CALR3: variants seen among roughly 807,000 people sequenced by gnomAD.
CALR3 encodes the protein calreticulin-3.
CALR3 carries 39 observed loss-of-function variants against 48.7 expected under a neutral mutation model. The ratio of observed to expected loss-of-function variants is 0.80; its 90% CI spans 0.62 to 1.05. CALR3 has a LOEUF of 1.05. CALR3 is among the 50% of genes least tolerant of loss of function. The pLI, the probability that CALR3 is intolerant of heterozygous loss-of-function variation, is 0.00. For synonymous variants in CALR3, 185 were observed against 172.7 expected (o/e 1.07, Z -0.56); for missense variants, 449 against 474.7 (o/e 0.95, Z 0.50).
chr19:16,489,567 C>T (rs544680021), intron 3 of CALR3, among the ~76,000 whole-genome samples: 17 of 151,592 alleles, frequency 1.1e-4, no homozygotes, highest in East Asian at 3.9e-4. Flanking sequence ...TGCAGTGAGC[C>T]GAGATCATGC....
At chr19:16,494,948 T>C (rs2093404085) in intron 2 of CALR3, among the ~76,000 whole-genome samples, 1 of 152,216 alleles carries the variant, frequency 6.6e-6, no homozygotes. Context: ...ATAATAATGA[T>C]AATAGGCCAA....
chr19:16,479,113 T>G lies in CALR3; in HGVS notation c.*18A>C, dbSNP rs754605848. Reference sequence around the variant, plus strand: ...GCAATGAGATTTTACCAGTCATCCTTATATCCAATGGGGATCACTAAAGTT... The same window carrying G: ...GCAATGAGATTTTACCAGTCATCCTGATATCCAATGGGGATCACTAAAGTT... On this transcript the variant is annotated 3_prime_UTR_variant, in exon 9 of 9. Transcript: ENST00000269881. The G allele has an allele frequency of 1.9e-6, 3 of 1,613,670 alleles. No homozygotes were observed. The highest frequency in any genetic ancestry group is 2.5e-6 in the Non-Finnish European group (3 of 1,179,564).
chr19:16,493,183 G>A (rs917976559), intron 2 of CALR3, among the ~76,000 whole-genome samples: 2 of 152,150 alleles, frequency 1.3e-5, no homozygotes, highest in Non-Finnish European at 2.9e-5. Flanking sequence ...CCAGAGACCA[G>A]GCCTCCTCTA....
chr19:16,488,090 G>A (rs1460522447), intron 3 of CALR3, among the ~76,000 whole-genome samples: 1 of 152,102 alleles, frequency 6.6e-6, no homozygotes, highest in Non-Finnish European at 1.5e-5. Context: ...TGGGATTACA[G>A]GTGTGAGCCA....
rs2093387443 is a variant in CALR3, at chr19:16,485,251, T to C, written c.404A>G (p.Asp135Gly). 1 of 1,600,448 alleles carries C rather than the reference T, an allele frequency of 6.2e-7. No homozygotes were observed. The highest frequency in any genetic ancestry group is 8.6e-7 in the Non-Finnish European group (1 of 1,168,064). ...KSQYYIMFGP[D>G]ICGFDIKKVH... ...TTTCTTGATATCAAATCCACAAATA[T>C]CGGGTCCTACAAAAAAGATTAGCTG... is the stretch of plus-strand genomic sequence containing the variant. Residue 135 changes from aspartate to glycine, a missense_variant, in exon 4 of 9, where the codon GAT becomes GGT. Physicochemically the swap from Asp to Gly is moderately conservative, Grantham distance 94. Transcript: ENST00000269881.
chr19:16,481,382 C>T (rs2122125894), intron 7 of CALR3, among the ~76,000 whole-genome samples: 2 of 151,878 alleles, frequency 1.3e-5, no homozygotes, highest in East Asian at 3.9e-4. Context: ...TCTAGAATAT[C>T]CTTTCCCTCT....
chr19:16,482,424 C>G (rs2093382366), intron 7 of CALR3, 26 bp downstream of exon 7: 1 of 1,613,958 alleles, frequency 6.2e-7, no homozygotes, highest in Middle Eastern at 1.7e-4. Context: ...CGCAAAAAAT[C>G]TAAAGTAAAG....
rs1480590886 is a variant in CALR3 at position 16,479,430 on chromosome 19, A to C, written c.1012-156T>G. Among the ~76,000 whole-genome samples, 4 of 16,216 alleles carry C rather than the reference A, an allele frequency of 2.5e-4. No homozygotes were observed. The Admixed American group carries it at 3.2e-3, about 13-fold the overall frequency. 10.6% of individuals were successfully genotyped at this position (16,216 alleles called of 152,430 possible). ...GAAACACAGTCTCTACCAAAAATAC[A>C]AAAAAAAAAAAGCCAGGCGTGGTGG... On this transcript the variant is annotated intron_variant, in intron 8 of 8. Transcript: ENST00000269881.
intron 5 of CALR3, 83 bp downstream of exon 5, chr19:16,483,847 A>T: frequency 7.0e-7 from 1 of 1,431,908 alleles, no homozygotes; most frequent in Non-Finnish European, 9.7e-7. Context: ...CGTGGCTACC[A>T]GCCATGCAGC....
Position 16,495,837 on chromosome 19 carries a change from C to T in CALR3, c.107G>A (p.Arg36Gln). The change falls in exon 2 of 9, where the codon CGA (arginine) becomes CAA (glutamine). Residue 36 changes from arginine (R) to glutamine (Q), a missense_variant. Coordinates refer to ENST00000269881, the MANE Select transcript of CALR3 (RefSeq NM_145046.5). The part of the protein sequence containing the change: ...EFLDGEHWRN[R>Q]WLQSTNDSRF... The stretch of plus-strand genomic sequence containing the variant: ...GGAGTCATTGGTGGACTGCAACCAT[C>T]GGTTTCTCCAATGCTCTGTGGGGAA... 6.2e-7 allele frequency: 1 copy of T among 1,614,074 alleles called. No homozygotes were observed. The highest frequency in any genetic ancestry group is 1.1e-5 in the South Asian group (1 of 91,082).
At chr19:16,483,636 T>A (rs1426356408) in intron 5 of CALR3, 1 of 311,614 alleles carries the variant, frequency 3.2e-6, no homozygotes, top group Non-Finnish European at 6.2e-6. Context: ...GAGAATCACT[T>A]GAACCTGGGA....
chr19:16,487,415 G>C (rs766608196), intron 3 of CALR3, among the ~76,000 whole-genome samples: 5 of 150,606 alleles, frequency 3.3e-5, no homozygotes, highest in Admixed American at 1.3e-4. Context: ...GGGAGGCAGA[G>C]GTTGCAGTGA....
At chr19:16,480,074 G>A (rs529262882) in intron 8 of CALR3, among the ~76,000 whole-genome samples, 1 of 151,654 alleles carries the variant, frequency 6.6e-6, no homozygotes, top group African/African-American at 2.4e-5. Flanking sequence ...GTGGTGGCAG[G>A]TGCCTGTAGT....
intron 2 of CALR3, among the ~76,000 whole-genome samples, chr19:16,494,155 G>C (rs1307139095): frequency 1.3e-5 from 2 of 152,056 alleles, no homozygotes; most frequent in Non-Finnish European, 1.5e-5. Context: ...CTGCCTCCTG[G>C]GTACAAACGA....
rs1232339957 is a variant in CALR3 at position 16,490,482 on chromosome 19, C to A, written c.282G>T (p.Gln94His). The A allele has an allele frequency of 6.2e-7, 1 of 1,614,146 alleles. No individual in the cohort carries two copies. Residue 94 changes from glutamine (Q) to histidine (H), a missense_variant, in exon 3 of 9, where the codon CAG (glutamine) becomes CAT (histidine). By Grantham distance (24) the Gln-to-His change is conservative. Transcript: ENST00000269881. ...TCTTCTGCTCATGTTTTACTGTGTA[C>A]TGAATAACCAGAGTTTTCCCTTTAT... ...FSNKGKTLVI[Q>H]YTVKHEQKMD... is the part of the protein sequence containing the mutation.
At chr19:16,487,730 C>T (rs1011173419) in intron 3 of CALR3, among the ~76,000 whole-genome samples, 7 of 152,058 alleles carry the variant, frequency 4.6e-5, no homozygotes, top group Admixed American at 3.9e-4. Context: ...CTCTGCCTCC[C>T]AGGTTCAGGT....
At chr19:16,479,400 A>G (rs1266764619) in intron 8 of CALR3, 126 bp from the exon 9 acceptor site, 2 of 1,018,408 alleles carry the variant, frequency 2.0e-6, no homozygotes, top group African/African-American at 1.6e-5. Flanking sequence ...CCCGGCTAAC[A>G]CGGTGAAACA....
chr19:16,481,923 T>TTC (rs35650345), intron 7 of CALR3, among the ~76,000 whole-genome samples: 76,783 of 125,846 alleles, frequency 0.61, 24,989 homozygotes, highest in South Asian at 0.73. Flanking sequence ...TTTTTTTTTT[T>TTC]TGAGACGGAG....
At position 16,483,910 on chromosome 19, in the gene CALR3, T is replaced by G; in HGVS notation, c.678+20A>C. 1.9e-6 allele frequency: 3 copies of G among 1,612,632 alleles called. No individual in the cohort carries two copies. The highest frequency in any genetic ancestry group is 2.5e-6 in the Non-Finnish European group (3 of 1,179,102). Reference sequence around the variant, plus strand: ...ACTACATTTGTGCACTTTTTAGAGTTGCCCAGGAAAAATTCACACCTGGGC... The same window carrying G: ...ACTACATTTGTGCACTTTTTAGAGTGGCCCAGGAAAAATTCACACCTGGGC... On this transcript the variant is annotated intron_variant, in intron 5 of 8. Transcript: ENST00000269881.
Sources: allele counts gnomAD v4.1 joint callset (sites outside exome capture counted in the v4.1 genomes callset), GRCh38; gene constraint gnomAD v4.1.1; transcripts MANE v1.5; gene names NCBI Gene and HGNC (gene_info 2026-07-23, HGNC 2026-07-21).